PLEKHM2: variants seen among roughly 807,000 people sequenced by gnomAD.
PLEKHM2 encodes the protein pleckstrin homology and RUN domain containing M2, also known as pleckstrin homology domain-containing family M member 2.
Under a neutral mutation model 116.3 loss-of-function variants are expected in PLEKHM2, and 77 were observed. The ratio of observed to expected loss-of-function variants is 0.66; its 90% CI spans 0.55 to 0.80. PLEKHM2 has a LOEUF of 0.80. PLEKHM2 is among the 30% of genes least tolerant of loss of function. The probability of loss-of-function intolerance (pLI) is 0.00; values close to 1 mark genes in which losing one functional copy is unlikely to be tolerated. For synonymous variants in PLEKHM2, 562 were observed against 571.0 expected, an observed-to-expected ratio of 0.98 and a Z score of 0.22; for missense variants, 1,183 against 1,354.9, an observed-to-expected ratio of 0.87 and a Z score of 1.99.
Position 15,721,314 on chromosome 1 carries a change from C to T in PLEKHM2, c.653-15C>T. 1 of 1,475,032 alleles carries T rather than the reference C, an allele frequency of 6.8e-7. No homozygotes were observed. 91.4% of individuals were successfully genotyped at this position (1,475,032 alleles called of 1,614,324 possible). ...CTGTGTTTCTAATCTTCAGTTTTGT[C>T]CCTCGTTTTTGTAGATTATGATTTT... On this transcript the variant is annotated splice_polypyrimidine_tract_variant and intron_variant, in intron 6 of 19. Coordinates refer to ENST00000375799, the MANE Select transcript of PLEKHM2 (RefSeq NM_015164.4). The surrounding 1 kb of genome is among the most constrained non-coding windows in gnomAD (Gnocchi z 5.1).
intron 7 of PLEKHM2, among the ~76,000 whole-genome samples, chr1:15,725,043 A>G (rs2068043760): frequency 6.6e-6 from 1 of 152,138 alleles, no homozygotes. Context: ...AGGCTGCTTC[A>G]CCGCGGGGGC....
intron 1 of PLEKHM2, among the ~76,000 whole-genome samples, chr1:15,702,763 C>T (rs184647851): frequency 3.2e-4 from 46 of 141,846 alleles, no homozygotes; most frequent in African/African-American, 1.1e-3. Context: ...CTCTGTTGCC[C>T]AGGCTGGAGT....
chr1:15,704,857 C>T (rs1399085238), intron 1 of PLEKHM2, among the ~76,000 whole-genome samples: 1 of 152,236 alleles, frequency 6.6e-6, no homozygotes, highest in African/African-American at 2.4e-5. Flanking sequence ...CTGCCCACCT[C>T]GCTGGCTGTG....
At chr1:15,725,791 C>A (rs2068056784) in intron 8 of PLEKHM2, 1 of 554,362 alleles carries the variant, frequency 1.8e-6, no homozygotes, top group African/African-American at 1.9e-5. Context: ...TTCTTTCTCA[C>A]AGCTCTGGAG....
rs1443690499 is a variant in PLEKHM2, at chr1:15,719,666, C to T, written c.466-68C>T. ...ACATCTGTGTCTCCCAGGCCTGGAT[C>T]CTGCTGTCTGCAGAAGGCCGCTGCA... On this transcript the variant is annotated intron_variant, in intron 5 of 19. Coordinates refer to ENST00000375799, the MANE Select transcript of PLEKHM2 (RefSeq NM_015164.4). This position sits in a 1 kb window ranked among gnomAD's most constrained non-coding sequence, Gnocchi z 4.1. 1.9e-6 allele frequency: 2 copies of T among 1,067,320 alleles called. No individual in the cohort carries two copies. Among genetic ancestry groups the T allele is most frequent in the Non-Finnish European group, 2.8e-6 (2 of 703,192 alleles). The allele number at this position is 1,067,320 out of a possible 1,614,324, so 66.1% of individuals were successfully genotyped here.
At chr1:15,711,923 A>C (rs1470612729) in intron 1 of PLEKHM2, among the ~76,000 whole-genome samples, 3 of 152,034 alleles carry the variant, frequency 2.0e-5, no homozygotes, top group Non-Finnish European at 4.4e-5. Flanking sequence ...GTTCAAGACC[A>C]GCCTGACCAA....
intron 1 of PLEKHM2, among the ~76,000 whole-genome samples, chr1:15,690,728 A>G (rs1294759339): frequency 2.0e-5 from 3 of 152,166 alleles, no homozygotes; most frequent in Admixed American, 2.0e-4. Flanking sequence ...ACACTTGTAA[A>G]TCCCATCATG....
chr1:15,733,726 G>A, intron 19 of PLEKHM2, 71 bp from the exon 20 acceptor site: 2 of 1,527,388 alleles, frequency 1.3e-6, no homozygotes, highest in African/African-American at 1.4e-5. Flanking sequence ...GGCAGGCCTG[G>A]TGCCCACAAG....
At chr1:15,688,407 T>A (rs1640815436) in intron 1 of PLEKHM2, among the ~76,000 whole-genome samples, 1 of 152,168 alleles carries the variant, frequency 6.6e-6, no homozygotes, top group South Asian at 2.1e-4. Flanking sequence ...ATCCCAGCAC[T>A]TTGGGAGGCC....
At chr1:15,682,475 G>A (rs936029509), upstream of PLEKHM2, among the ~76,000 whole-genome samples, 1 of 149,836 alleles carries the variant, frequency 6.7e-6, no homozygotes, top group African/African-American at 2.4e-5. Context: ...AAATTAGCTG[G>A]GCATGGTGTC....
At chr1:15,710,471 G>T (rs1641310113) in intron 1 of PLEKHM2, among the ~76,000 whole-genome samples, 2 of 151,696 alleles carry the variant, frequency 1.3e-5, no homozygotes, top group Admixed American at 6.6e-5. Context: ...GGGATTACAG[G>T]CATGGTGGGG....
At chr1:15,684,025 G>C (rs1456878801), upstream of PLEKHM2, among the ~76,000 whole-genome samples, 2 of 151,114 alleles carry the variant, frequency 1.3e-5, no homozygotes, top group East Asian at 3.9e-4. Context: ...GGGTGTCTCT[G>C]GGGTCCCTGA....
Position 15,695,979 on chromosome 1 carries a change from TA to T in PLEKHM2, c.60+11362del, listed in dbSNP as rs1304921816. Among the ~76,000 whole-genome samples, 16 of 39,980 alleles carry T rather than the reference TA, an allele frequency of 4.0e-4. No homozygotes were observed. The East Asian group carries it at 6.4e-3, about 16-fold the overall frequency. 26.2% of individuals were successfully genotyped at this position (39,980 alleles called of 152,430 possible). ...CACCACGTCCAACTAATTTTTTCTA[TA>T]TTTTTTTTTTTTTTTGTAGAGATGG... On this transcript the variant is annotated intron_variant, in intron 1 of 19. Transcript: ENST00000375799.
At chr1:15,722,681 G>A (rs909192052) in intron 7 of PLEKHM2, 13 of 152,196 alleles carry the variant, frequency 8.5e-5, no homozygotes, top group African/African-American at 2.4e-4. Context: ...AATAAGATGT[G>A]GCATTGGGAA....
At chr1:15,724,776 T>A (rs1467514333) in intron 7 of PLEKHM2, among the ~76,000 whole-genome samples, 1 of 152,204 alleles carries the variant, frequency 6.6e-6, no homozygotes, top group Non-Finnish European at 1.5e-5. Context: ...TTCTCTGCTG[T>A]CTTCCTCCAT....
intron 1 of PLEKHM2, among the ~76,000 whole-genome samples, chr1:15,703,787 C>T (rs985290280): frequency 2.6e-5 from 4 of 152,162 alleles, no homozygotes; most frequent in Non-Finnish European, 5.9e-5. Flanking sequence ...CCCACACTTC[C>T]CCGAAGCAGT....
intron 1 of PLEKHM2, among the ~76,000 whole-genome samples, chr1:15,701,723 G>A (rs564769726): frequency 3.9e-5 from 6 of 152,266 alleles, no homozygotes; most frequent in South Asian, 4.1e-4. Context: ...CCCGGGAGGC[G>A]GAGCTTGCAG....
chr1:15,693,632 T>C (rs908904961), intron 1 of PLEKHM2, among the ~76,000 whole-genome samples: 1 of 152,180 alleles, frequency 6.6e-6, no homozygotes, highest in East Asian at 1.9e-4. Flanking sequence ...ATTCTGCCAT[T>C]ATGGCTAACA....
At position 15,719,995 on chromosome 1, in the gene PLEKHM2, A is replaced by G. The variant is rs1052195546; in HGVS notation, c.652+75A>G. On this transcript the variant is annotated intron_variant, in intron 6 of 19. Coordinates refer to ENST00000375799, the MANE Select transcript of PLEKHM2 (RefSeq NM_015164.4). The surrounding 1 kb of genome is among the most constrained non-coding windows in gnomAD (Gnocchi z 4.1). The stretch of plus-strand genomic sequence containing the variant: ...TGAACTGCTTAAGCCTGGCTGGGTG[A>G]TGTCTTCCTTGGCTAGTTTTGGTCT... 5.5e-6 allele frequency: 7 copies of G among 1,264,512 alleles called. No homozygotes were observed. The African/African-American group carries it at 9.0e-5, about 16-fold the overall frequency. 78.3% of individuals were successfully genotyped at this position (1,264,512 alleles called of 1,614,324 possible).
Sources: gnomAD v4.1 joint callset for allele counts (sites outside exome capture counted in the v4.1 genomes callset) on GRCh38, gnomAD v4.1.1 for gene constraint, Gnocchi (gnomAD v3.1) non-coding constraint, MANE v1.5 for transcripts, NCBI Gene and HGNC (gene_info 2026-07-23, HGNC 2026-07-21) for gene names.